The following TIMD4 variants were observed in gnomAD, a reference collection of about 807,000 sequenced individuals.
The protein encoded by TIMD4 is T cell immunoglobulin and mucin domain containing 4, also known as T-cell immunoglobulin and mucin domain-containing protein 4.
Under a neutral mutation model 41.2 loss-of-function variants are expected in TIMD4, and 31 were observed. That is an observed-to-expected ratio of 0.75 (90% CI 0.57 to 1.01). The LOEUF is 1.01. Among genes scored for constraint, TIMD4 ranks in the 50% least tolerant of loss-of-function variants. The probability of loss-of-function intolerance (pLI) is 0.00; values close to 1 mark genes in which losing one functional copy is unlikely to be tolerated. For synonymous variants in TIMD4, 204 were observed against 177.1 expected, an observed-to-expected ratio of 1.15 and a Z score of -1.21; for missense variants, 479 against 472.5, an observed-to-expected ratio of 1.01 and a Z score of -0.13.
At chr5:156,954,188 T>C (rs1441120312) in intron 2 of TIMD4, among the ~76,000 whole-genome samples, 2 of 152,198 alleles carry the variant, frequency 1.3e-5, no homozygotes, top group Non-Finnish European at 2.9e-5. Flanking sequence ...CAGCTGCCTT[T>C]TCAGATTGAC....
At chr5:156,931,841 G>GCATAGCCAGTATTGCATAT (rs1561546104) in intron 5 of TIMD4, among the ~76,000 whole-genome samples, 1 of 151,968 alleles carries the variant, frequency 6.6e-6, no homozygotes, top group South Asian at 2.1e-4. Context: ...ATGCGACCTT[G>GCATAGCCAGTATTGCATAT]GCTAAGATAC....
At chr5:156,928,580 G>A (rs1759389571) in intron 5 of TIMD4, among the ~76,000 whole-genome samples, 1 of 152,138 alleles carries the variant, frequency 6.6e-6, no homozygotes, top group Admixed American at 6.5e-5. Context: ...AAATACCTAA[G>A]CTAATAATTA....
intron 5 of TIMD4, among the ~76,000 whole-genome samples, chr5:156,934,241 AATT>A (rs1157577234): frequency 6.6e-6 from 1 of 152,110 alleles, no homozygotes; most frequent in African/African-American, 2.4e-5. Flanking sequence ...ACTTTGTATA[AATT>A]ATAATTTTTT....
chr5:156,952,191 G>A (rs560706114), intron 2 of TIMD4, among the ~76,000 whole-genome samples: 1 of 151,978 alleles, frequency 6.6e-6, no homozygotes, highest in Admixed American at 6.6e-5. Flanking sequence ...TCAGGAGGCT[G>A]AGGCAGGAGA....
At chr5:156,928,044 G>A (rs1190043604) in intron 5 of TIMD4, among the ~76,000 whole-genome samples, 1 of 152,182 alleles carries the variant, frequency 6.6e-6, no homozygotes, top group African/African-American at 2.4e-5. Context: ...AGTGGCTCAT[G>A]CCTGTAATCC....
chr5:156,944,583 C>A (rs1020471190), intron 5 of TIMD4, among the ~76,000 whole-genome samples: 4 of 143,906 alleles, frequency 2.8e-5, no homozygotes, highest in Admixed American at 7.4e-5. Context: ...CGGCTCACTG[C>A]AAGCTCCGCC....
chr5:156,938,927 A>G (rs1364704097), intron 5 of TIMD4, among the ~76,000 whole-genome samples: 1 of 152,050 alleles, frequency 6.6e-6, no homozygotes, highest in Non-Finnish European at 1.5e-5. Flanking sequence ...TTGTGTGCTT[A>G]TGCATCCCAT....
At chr5:156,944,070 AAAAGAAAT>A (rs1223360284) in intron 5 of TIMD4, among the ~76,000 whole-genome samples, 9 of 152,028 alleles carry the variant, frequency 5.9e-5, no homozygotes, top group African/African-American at 1.7e-4. Flanking sequence ...CAAAAAAAAA[AAAAGAAAT>A]AAAGAAATAA....
chr5:156,935,361 C>T (rs1759521037), intron 5 of TIMD4: 1 of 152,152 alleles, frequency 6.6e-6, no homozygotes, highest in Non-Finnish European at 1.5e-5. Context: ...TTCAAAACTC[C>T]TTTTGAAAGT....
At chr5:156,948,361 T>A (rs71591078) in intron 5 of TIMD4, 55 bp downstream of exon 5, 186,583 of 938,546 alleles carry the variant, frequency 0.2, 17,210 homozygotes, top group Non-Finnish European at 0.22. Flanking sequence ...CTAAAAAAAA[T>A]AATAATAATA....
At chr5:156,933,830 G>C (rs912045292) in intron 5 of TIMD4, among the ~76,000 whole-genome samples, 4 of 152,134 alleles carry the variant, frequency 2.6e-5, no homozygotes, top group South Asian at 2.1e-4. Context: ...AAAGTGGTGG[G>C]ATTATAGGTG....
intron 1 of TIMD4, among the ~76,000 whole-genome samples, chr5:156,961,075 C>T (rs1268406691): frequency 1.3e-5 from 2 of 152,166 alleles, no homozygotes; most frequent in East Asian, 1.9e-4. Flanking sequence ...TTTTCTCATG[C>T]ACCATGTTGG....
intron 5 of TIMD4, among the ~76,000 whole-genome samples, chr5:156,944,994 G>A (rs1759714106): frequency 6.6e-6 from 1 of 152,188 alleles, no homozygotes. Flanking sequence ...ATTTAAATCA[G>A]CCCACAACCA....
intron 5 of TIMD4, among the ~76,000 whole-genome samples, chr5:156,935,262 A>G (rs962566675): frequency 6.6e-6 from 1 of 152,144 alleles, no homozygotes; most frequent in Non-Finnish European, 1.5e-5. Context: ...ACAGTAAATA[A>G]CAAAGGAAGG....
chr5:156,954,482 G>A lies in TIMD4; in HGVS notation c.333C>T (p.Cys111=). ...NPSESDSGVY[C]CRIEVPGWFN... is the part of the protein sequence containing the mutation. ...ACCAGCCAGGCACTTCTATGCGGCAGCAGTACACACCGCTGTCACTTTCAC... is the reference window on the plus strand; with the variant it reads ...ACCAGCCAGGCACTTCTATGCGGCAACAGTACACACCGCTGTCACTTTCAC... Residue 111 remains cysteine, a synonymous_variant, in exon 2 of 9, where the codon TGC becomes TGT. Coordinates refer to ENST00000274532, the MANE Select transcript of TIMD4 (RefSeq NM_138379.3). 1 of 1,614,254 alleles carries A rather than the reference G, an allele frequency of 6.2e-7. No homozygotes were observed. Among genetic ancestry groups the A allele is most frequent in the Non-Finnish European group, 8.5e-7 (1 of 1,180,054 alleles).
At chr5:156,938,062 C>T (rs1007044594) in intron 5 of TIMD4, among the ~76,000 whole-genome samples, 1 of 152,178 alleles carries the variant, frequency 6.6e-6, no homozygotes, top group Non-Finnish European at 1.5e-5. Context: ...CTTTTCCATG[C>T]CCTTGATCAG....
rs151172829 is a variant in TIMD4 at position 156,939,967 on chromosome 5, C to T, written c.844+8449G>A. Among the ~76,000 whole-genome samples the T allele has an allele frequency of 6.8e-3, 1,038 of 152,332 alleles. 7 individuals carry two copies. Among genetic ancestry groups the T allele is most frequent in the Non-Finnish European group, 0.011 (758 of 68,032 alleles). On this transcript the variant is annotated intron_variant, in intron 5 of 8. Transcript: ENST00000274532. ...CATGAACCCTCTCCCTCTGCCTCTCCGTCGTCTCCGTCTCCCGCTTTCCAC... is the reference window on the plus strand; with the variant it reads ...CATGAACCCTCTCCCTCTGCCTCTCTGTCGTCTCCGTCTCCCGCTTTCCAC...
In TIMD4 at chr5:156,922,096, T is replaced by G. The variant is rs1646867792; in HGVS notation, c.1012+3A>C. 1 of 1,612,128 alleles carries G rather than the reference T, an allele frequency of 6.2e-7. No homozygotes were observed. Among genetic ancestry groups the G allele is most frequent in the Non-Finnish European group, 8.5e-7 (1 of 1,178,700 alleles). ...GCTCCATCACCTGGCCCTCCCTCCT[T>G]ACCTCTCAGGAGAAACGCCACAAAC... On this transcript the variant is annotated splice_donor_region_variant and intron_variant, in intron 7 of 8. Coordinates refer to ENST00000274532, the MANE Select transcript of TIMD4 (RefSeq NM_138379.3).
At chr5:156,960,795 C>T (rs139305029) in intron 1 of TIMD4, among the ~76,000 whole-genome samples, 4,038 of 152,308 alleles carry the variant, frequency 0.027, 98 homozygotes, top group South Asian at 0.063. Context: ...CTGGGCTGCC[C>T]TCATGGGGCC....
Sources: allele counts gnomAD v4.1 joint callset (sites outside exome capture counted in the v4.1 genomes callset), GRCh38; gene constraint gnomAD v4.1.1; transcripts MANE v1.5; gene names NCBI Gene and HGNC (gene_info 2026-07-23, HGNC 2026-07-21).